Variants in CECR2 observed in about 807,000 individuals in gnomAD.
CECR2 encodes chromatin remodeling regulator CECR2.
A neutral mutation model predicts 154.5 loss-of-function variants in CECR2; 30 were observed. The ratio of observed to expected loss-of-function variants is 0.19; its 90% CI spans 0.15 to 0.26. CECR2 has a LOEUF of 0.26. Among genes scored for constraint, CECR2 ranks in the 10% least tolerant of loss-of-function variants. The probability of loss-of-function intolerance (pLI) is 1.00; values close to 1 mark genes in which losing one functional copy is unlikely to be tolerated. For missense variants in CECR2, 1,743 were observed against 1,829.3 expected (o/e 0.95, Z 0.86); for synonymous variants, 725 against 683.7 (o/e 1.06, Z -0.94).
At position 17,499,416 on chromosome 22, in the gene CECR2, G is replaced by C. The variant is rs1437045492; in HGVS notation, c.412G>C (p.Asp138His). The change falls in exon 4 of 19, where the codon GAT (aspartate) becomes CAT (histidine). Residue 138 changes from aspartate (D) to histidine (H), a missense_variant. Transcript: ENST00000262608. Reference sequence around the variant, plus strand: ...TTTTCCGTGCTCTGTGTAGGGCCTGGATGCAGACAGTCTCCGTGTGGAGCC... The same window carrying C: ...TTTTCCGTGCTCTGTGTAGGGCCTGCATGCAGACAGTCTCCGTGTGGAGCC... ...DDVFDLLKGL[D>H]ADSLRVEPLG... 1 of 1,613,540 alleles carries C rather than the reference G, an allele frequency of 6.2e-7. No homozygotes were observed. The highest frequency in any genetic ancestry group is 1.1e-5 in the South Asian group (1 of 91,024).
intron 1 of CECR2, among the ~76,000 whole-genome samples, chr22:17,423,714 A>G (rs2054291033): frequency 6.6e-6 from 1 of 152,014 alleles, no homozygotes; most frequent in South Asian, 2.1e-4. Context: ...AGATTTGTTC[A>G]CCCTGAGGCA....
Position 17,557,990 on chromosome 22 carries a change from G to GT in CECR2, c.*5153dup, listed in dbSNP as rs1422758310. 6.6e-6 allele frequency: 1 copy of GT among 152,100 alleles called. No individual in the cohort carries two copies. The highest frequency in any genetic ancestry group is 6.6e-5 in the Admixed American group (1 of 15,246). The allele number at this position is 152,100 out of a possible 1,614,324, so 9.4% of individuals were successfully genotyped here. ...TTTTGTCGTGGTCTGCTGATTCCCT[G>GT]TTTCACTGAGAGCGACACTTACCTC... On this transcript the variant is annotated 3_prime_UTR_variant, in exon 19 of 19. Coordinates refer to ENST00000262608, the MANE Select transcript of CECR2 (RefSeq NM_001290047.2).
intron 1 of CECR2, among the ~76,000 whole-genome samples, chr22:17,397,843 A>G (rs571627385): frequency 3.4e-4 from 51 of 152,220 alleles, no homozygotes; most frequent in Non-Finnish European, 6.3e-4. Context: ...GGAAACTTTT[A>G]GTAATGCAGC....
At chr22:17,518,719 C>A in intron 8 of CECR2, 1 of 419,136 alleles carries the variant, frequency 2.4e-6, no homozygotes. Flanking sequence ...GCAGTTGGCA[C>A]AGCAGGATCC....
intron 1 of CECR2, among the ~76,000 whole-genome samples, chr22:17,438,567 G>A (rs915803287): frequency 2.0e-5 from 3 of 152,100 alleles, no homozygotes; most frequent in African/African-American, 2.4e-5. Flanking sequence ...AGCCCAGGAC[G>A]GCTTTGAATG....
chr22:17,506,483 G>A (rs549411588), intron 7 of CECR2, among the ~76,000 whole-genome samples: 2 of 152,226 alleles, frequency 1.3e-5, no homozygotes, highest in South Asian at 4.1e-4. Context: ...TTACTTAAAT[G>A]TCACTACGTC....
intron 16 of CECR2, among the ~76,000 whole-genome samples, chr22:17,544,122 T>C (rs2056573074): frequency 6.6e-6 from 1 of 152,090 alleles, no homozygotes; most frequent in Non-Finnish European, 1.5e-5. Flanking sequence ...TCCCAGAATT[T>C]TGGGAGGCCA....
At chr22:17,529,811 A>G (rs1474611468) in intron 9 of CECR2, among the ~76,000 whole-genome samples, 3 of 152,052 alleles carry the variant, frequency 2.0e-5, no homozygotes, top group African/African-American at 2.4e-5. Context: ...TCTGCCTCCC[A>G]TGATAGTTCT....
At chr22:17,449,200 G>A (rs1285918177) in intron 1 of CECR2, among the ~76,000 whole-genome samples, 1 of 151,656 alleles carries the variant, frequency 6.6e-6, no homozygotes, top group Non-Finnish European at 1.5e-5. Context: ...CCATTTAAAT[G>A]ATAATGTTCT....
intron 1 of CECR2, among the ~76,000 whole-genome samples, chr22:17,399,630 A>T (rs2053862787): frequency 6.6e-6 from 1 of 151,908 alleles, no homozygotes; most frequent in Non-Finnish European, 1.5e-5. Flanking sequence ...GTTGGTCAGG[A>T]TGGTCTTGAT....
chr22:17,440,753 C>T (rs767842394), intron 1 of CECR2, among the ~76,000 whole-genome samples: 7 of 152,142 alleles, frequency 4.6e-5, no homozygotes, highest in Non-Finnish European at 8.8e-5. Flanking sequence ...TTGACTACCA[C>T]CCTCTGATCC....
rs543363647 is a variant in CECR2 at position 17,512,452 on chromosome 22, G to A, written c.954+556G>A. On this transcript the variant is annotated intron_variant, in intron 8 of 18. Transcript: ENST00000262608. ...CACAGGTAGCTCATGCCTGTAATCC[G>A]AGCACTTTAAGAGGCCAAGGCAGGT... 6.6e-5 allele frequency among the ~76,000 whole-genome samples: 10 copies of A among 151,954 alleles called. No individual in the cohort carries two copies. The East Asian group carries it at 1.5e-3, about 24-fold the overall frequency.
At chr22:17,551,807 A>G (rs2056711878) in intron 17 of CECR2, among the ~76,000 whole-genome samples, 1 of 151,948 alleles carries the variant, frequency 6.6e-6, no homozygotes, top group Non-Finnish European at 1.5e-5. Flanking sequence ...TAAAAGAAAA[A>G]AAAAAATAGA....
chr22:17,446,809 A>AG (rs2054672769), intron 1 of CECR2, among the ~76,000 whole-genome samples: 1 of 152,146 alleles, frequency 6.6e-6, no homozygotes, highest in Non-Finnish European at 1.5e-5. Context: ...GCTTCCACAA[A>AG]GGGGATGCGA....
intron 9 of CECR2, among the ~76,000 whole-genome samples, chr22:17,526,607 A>G (rs1382191046): frequency 6.6e-6 from 1 of 151,926 alleles, no homozygotes; most frequent in Non-Finnish European, 1.5e-5. Flanking sequence ...TCAAGAGTTC[A>G]AGGCCAGCCT....
intron 1 of CECR2, among the ~76,000 whole-genome samples, chr22:17,388,345 C>T (rs760737247): frequency 1.3e-5 from 2 of 152,200 alleles, no homozygotes; most frequent in African/African-American, 2.4e-5. Context: ...GTTTCTCATG[C>T]CCGAACTGAC....
At chr22:17,465,405 C>T (rs979507931) in intron 1 of CECR2, among the ~76,000 whole-genome samples, 8 of 152,124 alleles carry the variant, frequency 5.3e-5, no homozygotes, top group African/African-American at 1.9e-4. Flanking sequence ...TCTTGGCTTG[C>T]TGCAATCTCC....
At chr22:17,364,443 C>T (rs1484456897) in intron 1 of CECR2, among the ~76,000 whole-genome samples, 1 of 151,850 alleles carries the variant, frequency 6.6e-6, no homozygotes, top group East Asian at 1.9e-4. Flanking sequence ...TCTCCTGGTC[C>T]AATTTGATTC....
intron 1 of CECR2, among the ~76,000 whole-genome samples, chr22:17,437,913 T>C (rs1417937844): frequency 2.0e-5 from 3 of 152,200 alleles, no homozygotes; most frequent in Non-Finnish European, 4.4e-5. Flanking sequence ...TGGATGTTAC[T>C]CACTGTAACT....
Sources: gnomAD v4.1 joint callset for allele counts (sites outside exome capture counted in the v4.1 genomes callset) on GRCh38, gnomAD v4.1.1 for gene constraint, MANE v1.5 for transcripts, NCBI Gene and HGNC (gene_info 2026-07-23, HGNC 2026-07-21) for gene names.